ERAP1: variants seen among roughly 807,000 people sequenced by gnomAD.
ERAP1 encodes adipocyte-derived leucine aminopeptidase.
Under a neutral mutation model 103.7 loss-of-function variants are expected in ERAP1, and 86 were observed. That is an observed-to-expected ratio of 0.83 (90% confidence interval 0.70 to 0.99). The LOEUF is 0.99. Among genes scored for constraint, ERAP1 ranks in the 50% least tolerant of loss-of-function variants. ERAP1 has a pLI of 0.00. For synonymous variants in ERAP1, 398 were observed against 402.4 expected (o/e 0.99, Z 0.13); for missense variants, 1,009 against 1,128.4 (o/e 0.89, Z 1.52).
At chr5:96,870,233 T>A in the ERAP1 span, among the ~76,000 whole-genome samples, 1 of 152,192 alleles carries the variant, frequency 6.6e-6, no homozygotes, top group Admixed American at 6.5e-5. Flanking sequence ...GTTCTCCTGT[T>A]GAACACAAAC....
chr5:96,829,532 A>C, the ERAP1 span, among the ~76,000 whole-genome samples: 6 of 152,178 alleles, frequency 3.9e-5, no homozygotes, highest in African/African-American at 1.4e-4. Flanking sequence ...CAACAACACT[A>C]ATCATTTTAG....
At chr5:96,874,710 G>C in the ERAP1 span, among the ~76,000 whole-genome samples, 1 of 152,162 alleles carries the variant, frequency 6.6e-6, no homozygotes. Context: ...CTTTCAGGTT[G>C]AAATAATAAA....
chr5:96,864,515 T>TA, the ERAP1 span, among the ~76,000 whole-genome samples: 430 of 151,426 alleles, frequency 2.8e-3, 1 homozygote, highest in African/African-American at 7.5e-3. Context: ...ATCACATTGG[T>TA]AAAAAAAAAT....
the ERAP1 span, chr5:96,901,504 A>T: frequency 6.2e-7 from 1 of 1,612,876 alleles, no homozygotes; most frequent in Non-Finnish European, 8.5e-7. Context: ...CTGTCATTTC[A>T]GCTCGCCTTT....
the ERAP1 span, among the ~76,000 whole-genome samples, chr5:96,883,077 A>G: frequency 2.0e-5 from 3 of 152,210 alleles, no homozygotes; most frequent in African/African-American, 4.8e-5. Context: ...AGAGAGAACT[A>G]GAAGTACCTG....
the ERAP1 span, chr5:96,918,704 C>T: frequency 4.2e-4 from 64 of 152,248 alleles, no homozygotes; most frequent in African/African-American, 1.3e-3. Context: ...TCTGCCCTCA[C>T]AGAGACACAA....
the ERAP1 span, among the ~76,000 whole-genome samples, chr5:96,903,720 T>C: frequency 6.6e-6 from 1 of 151,922 alleles, no homozygotes; most frequent in African/African-American, 2.4e-5. Context: ...ACTAATAACG[T>C]ATTTTGACCC....
downstream of ERAP1, chr5:96,770,602 G>A: frequency 6.2e-7 from 1 of 1,602,968 alleles, no homozygotes; most frequent in Non-Finnish European, 8.5e-7. Context: ...ATTCAGCAAA[G>A]GTAAATGGAG....
chr5:96,807,618 G>A (rs1332421158), intron 1 of ERAP1, among the ~76,000 whole-genome samples: 1 of 152,068 alleles, frequency 6.6e-6, no homozygotes, highest in Non-Finnish European at 1.5e-5. Flanking sequence ...CGGGCACCCC[G>A]CGGACTCGGG....
At chr5:96,799,501 T>A (rs918807910) in intron 3 of ERAP1, among the ~76,000 whole-genome samples, 1 of 152,166 alleles carries the variant, frequency 6.6e-6, no homozygotes, top group Admixed American at 6.5e-5. Flanking sequence ...TGGATATCCA[T>A]GGATTTAGAC....
At chr5:96,886,685 T>C in the ERAP1 span, 24 of 1,552,228 alleles carry the variant, frequency 1.5e-5, no homozygotes, top group African/African-American at 2.3e-4. Flanking sequence ...AGGAGGTCTT[T>C]TGGAAGATCA....
Position 96,775,380 on chromosome 5 carries a change from G to A in ERAP1, c.*1016C>T, listed in dbSNP as rs1162989034. On this transcript the variant is annotated 3_prime_UTR_variant, in exon 19 of 19. Coordinates refer to ENST00000443439, the MANE Select transcript of ERAP1 (RefSeq NM_001040458.3). ...CTGCAATAATTTACTGTCAGTAAAT[G>A]CCAATAACTAGTTAGTTAGAAATTG... 1.0e-6 allele frequency: 1 copy of A among 983,374 alleles called. No individual in the cohort carries two copies. The highest frequency in any genetic ancestry group is 1.2e-6 in the Non-Finnish European group (1 of 828,634). 60.9% of individuals were successfully genotyped at this position (983,374 alleles called of 1,614,324 possible). A position where few individuals can be genotyped will look rare whatever the true frequency, so the allele number is the denominator to read the frequency against.
chr5:96,786,472 G>C lies in ERAP1; in HGVS notation c.1757C>G (p.Thr586Arg). 6.2e-7 allele frequency: 1 copy of C among 1,603,728 alleles called. No homozygotes were observed. Among genetic ancestry groups the C allele is most frequent in the Non-Finnish European group, 8.5e-7 (1 of 1,171,200 alleles). The change falls in exon 12 of 19, where the codon ACA becomes AGA. Residue 586 changes from threonine (T) to arginine (R), a missense_variant and splice_region_variant. Physicochemically the swap from Thr to Arg is moderately conservative, Grantham distance 71 (BLOSUM62 -1). Transcript: ENST00000443439. ...MVHRFLLKTKTDVLILPEEVE... is the reference protein window; with the variant it reads ...MVHRFLLKTKRDVLILPEEVE... Reference sequence around the variant, plus strand: ...TAGTAGTTTCCAAAATAAATTACCTGTTTTTGTTTTTAGCAAAAATCGATG... The same window carrying C: ...TAGTAGTTTCCAAAATAAATTACCTCTTTTTGTTTTTAGCAAAAATCGATG...
At chr5:96,920,306 T>TAA in the ERAP1 span, among the ~76,000 whole-genome samples, 53,308 of 142,768 alleles carry the variant, frequency 0.37, 9,907 homozygotes, top group Non-Finnish European at 0.42. Context: ...CCCTGTCATT[T>TAA]AAAAAAAAAA....
chr5:96,886,107 T>C, the ERAP1 span, among the ~76,000 whole-genome samples: 1 of 152,234 alleles, frequency 6.6e-6, no homozygotes, highest in African/African-American at 2.4e-5. Context: ...GAACTAGCCA[T>C]GTGATCTCCA....
the ERAP1 span, among the ~76,000 whole-genome samples, chr5:96,900,804 G>A: frequency 6.6e-6 from 1 of 152,084 alleles, no homozygotes; most frequent in African/African-American, 2.4e-5. Context: ...AGCCTCCCAA[G>A]TAGCTGGGAT....
At chr5:96,898,128 G>A in the ERAP1 span, among the ~76,000 whole-genome samples, 1 of 152,204 alleles carries the variant, frequency 6.6e-6, no homozygotes, top group South Asian at 2.1e-4. Flanking sequence ...CCCAGGAGCT[G>A]GAGGTTGCAG....
the ERAP1 span, chr5:96,880,169 T>C: frequency 6.2e-7 from 1 of 1,614,108 alleles, no homozygotes; most frequent in Non-Finnish European, 8.5e-7. Context: ...TCACCTGAAA[T>C]ACTATGTGGC....
chr5:96,783,004 A>G, intron 15 of ERAP1, 47 bp downstream of exon 15: 2 of 1,589,488 alleles, frequency 1.3e-6, no homozygotes, highest in Non-Finnish European at 1.7e-6. Flanking sequence ...GGAAAACAGA[A>G]AAGATGCCCT....
Sources: gnomAD v4.1 joint callset for allele counts (sites outside exome capture counted in the v4.1 genomes callset) on GRCh38, gnomAD v4.1.1 for gene constraint, MANE v1.5 for transcripts, NCBI Gene and HGNC (gene_info 2026-07-23, HGNC 2026-07-21) for gene names.